Variants in EBF1 observed in about 807,000 individuals in gnomAD.
EBF1 encodes EBF transcription factor 1.
In EBF1, 10 loss-of-function variants were observed where a neutral mutation model predicts 68.4. The ratio of observed to expected loss-of-function variants is 0.15; its 90% CI spans 0.09 to 0.25. The LOEUF is 0.25. Among genes scored for constraint, EBF1 ranks in the 10% least tolerant of loss-of-function variants. The pLI is 1.00. For missense variants in EBF1, 509 were observed against 794.4 expected, an observed-to-expected ratio of 0.64 and a Z score of 4.32; for synonymous variants, 298 against 299.8, an observed-to-expected ratio of 0.99 and a Z score of 0.06.
chr5:159,020,427 G>T (rs921595355), intron 6 of EBF1, among the ~76,000 whole-genome samples: 6 of 152,120 alleles, frequency 3.9e-5, no homozygotes, highest in Admixed American at 3.3e-4. Flanking sequence ...AACCCAGCAG[G>T]CCTTTGCAGT....
At chr5:158,958,085 C>T (rs1218364978) in intron 6 of EBF1, among the ~76,000 whole-genome samples, 2 of 152,202 alleles carry the variant, frequency 1.3e-5, no homozygotes, top group African/African-American at 4.8e-5. Context: ...ATCCAAGCCT[C>T]TGTGTTTCCC....
At chr5:158,701,649 T>C (rs531363761) in intron 15 of EBF1, among the ~76,000 whole-genome samples, 1 of 152,350 alleles carries the variant, frequency 6.6e-6, no homozygotes, top group Non-Finnish European at 1.5e-5. Context: ...TCCCACCAAA[T>C]GCCACTGGGC....
intron 6 of EBF1, among the ~76,000 whole-genome samples, chr5:159,065,831 CAAGT>C (rs1447937804): frequency 6.6e-6 from 1 of 152,126 alleles, no homozygotes; most frequent in African/African-American, 2.4e-5. Context: ...AATAAAAGAA[CAAGT>C]GAGTGTACAG....
At chr5:158,878,147 T>C (rs748987324) in intron 6 of EBF1, among the ~76,000 whole-genome samples, 1 of 152,070 alleles carries the variant, frequency 6.6e-6, no homozygotes, top group Non-Finnish European at 1.5e-5. Flanking sequence ...GTATTTTCCC[T>C]AGTAATAAAT....
At chr5:158,992,639 G>T (rs1363967831) in intron 6 of EBF1, among the ~76,000 whole-genome samples, 2 of 152,108 alleles carry the variant, frequency 1.3e-5, no homozygotes, top group African/African-American at 4.8e-5. Context: ...CTTTTATGCT[G>T]ATGCTGAGAA....
intron 6 of EBF1, among the ~76,000 whole-genome samples, chr5:159,063,208 G>A (rs1324652198): frequency 3.3e-5 from 5 of 152,196 alleles, no homozygotes; most frequent in Middle Eastern, 3.4e-3. Flanking sequence ...CCTCCAAAGC[G>A]CTCATCTACC....
In EBF1 at chr5:158,696,257, T is replaced by C. The variant is rs1489680223; in HGVS notation, c.*2854A>G. Reference sequence around the variant, plus strand: ...TTTCTTCTTAAAGCCATATTCTGTATTTAGGGGAACATCTTTTATTTGTAA... The same window carrying C: ...TTTCTTCTTAAAGCCATATTCTGTACTTAGGGGAACATCTTTTATTTGTAA... On this transcript the variant is annotated 3_prime_UTR_variant, in exon 16 of 16. Transcript: ENST00000313708. 4.6e-6 allele frequency: 1 copy of C among 219,548 alleles called. No homozygotes were observed. The highest frequency in any genetic ancestry group is 6.7e-5 in the East Asian group (1 of 15,016). 13.6% of individuals were successfully genotyped at this position (219,548 alleles called of 1,614,324 possible).
intron 6 of EBF1, among the ~76,000 whole-genome samples, chr5:158,957,609 T>C (rs148706744): frequency 1.6e-4 from 24 of 152,362 alleles, no homozygotes; most frequent in Admixed American, 1.4e-3. Context: ...CAAAGCTCCT[T>C]GACCCAGGGT....
chr5:158,885,351 A>G (rs1411227492), intron 6 of EBF1, among the ~76,000 whole-genome samples: 3 of 152,240 alleles, frequency 2.0e-5, no homozygotes, highest in African/African-American at 7.2e-5. Context: ...AGAGTGGAAA[A>G]TAAAGAGGAC....
intron 5 of EBF1, among the ~76,000 whole-genome samples, chr5:159,081,831 T>C (rs776664209): frequency 1.3e-5 from 2 of 152,190 alleles, no homozygotes; most frequent in Non-Finnish European, 1.5e-5. Context: ...CTTTAGAAAA[T>C]CATGTGTGGG....
chr5:159,089,702 A>T (rs1377829056), intron 4 of EBF1, among the ~76,000 whole-genome samples: 1 of 152,112 alleles, frequency 6.6e-6, no homozygotes, highest in Non-Finnish European at 1.5e-5. Context: ...GAAACAAAAT[A>T]TTTTCATTAG....
intron 6 of EBF1, among the ~76,000 whole-genome samples, chr5:158,943,219 C>T (rs1051025318): frequency 3.3e-5 from 5 of 152,206 alleles, no homozygotes; most frequent in Admixed American, 2.6e-4. Context: ...GACACATAGG[C>T]TAGTCATCAT....
rs954784873 is a variant in EBF1 at position 159,084,548 on chromosome 5, A to G, written c.485+118T>C. ...TCTAACAGTTCTTTTTAGATTGTCTATAGAAGCAAGACAAATGTGTACCAA... is the reference window on the plus strand; with the variant it reads ...TCTAACAGTTCTTTTTAGATTGTCTGTAGAAGCAAGACAAATGTGTACCAA... On this transcript the variant is annotated intron_variant, in intron 5 of 15. Coordinates refer to ENST00000313708, the MANE Select transcript of EBF1 (RefSeq NM_024007.5). The G allele has an allele frequency of 1.9e-5, 16 of 821,302 alleles. No homozygotes were observed. In the African/African-American group the frequency reaches 2.3e-4, roughly 12 times the overall value. 50.9% of individuals were successfully genotyped at this position (821,302 alleles called of 1,614,324 possible). A position where few individuals can be genotyped will look rare whatever the true frequency, so the allele number is the denominator to read the frequency against.
At chr5:158,748,083 A>C (rs1333317721) in intron 10 of EBF1, among the ~76,000 whole-genome samples, 1 of 152,218 alleles carries the variant, frequency 6.6e-6, no homozygotes, top group Non-Finnish European at 1.5e-5. Context: ...TGCCTACAGT[A>C]AAAATATCTG....
At chr5:159,096,851 G>A (rs1782713008) in intron 2 of EBF1, 123 bp downstream of exon 2, 4 of 1,290,762 alleles carry the variant, frequency 3.1e-6, no homozygotes, top group Admixed American at 2.5e-5. Flanking sequence ...TGGCTTGGGG[G>A]ACCCCCACAT....
chr5:158,717,460 T>C (rs752102700), intron 11 of EBF1, among the ~76,000 whole-genome samples: 6 of 152,174 alleles, frequency 3.9e-5, no homozygotes, highest in Non-Finnish European at 7.4e-5. Context: ...AATTTTAATA[T>C]TTCTGAAAAG....
At chr5:159,096,505 C>T in intron 2 of EBF1, 99 bp from the exon 3 acceptor site, 8 of 1,405,818 alleles carry the variant, frequency 5.7e-6, no homozygotes, top group Non-Finnish European at 7.9e-6. Flanking sequence ...AAGCCGGGAC[C>T]CCCGCTGGCG....
chr5:159,083,297 G>A (rs902487237), intron 5 of EBF1, among the ~76,000 whole-genome samples: 1 of 152,208 alleles, frequency 6.6e-6, no homozygotes, highest in Admixed American at 6.5e-5. Context: ...ATTCTGAAAG[G>A]TGCAACTCAG....
At chr5:158,716,927 G>A (rs944159664) in intron 11 of EBF1, among the ~76,000 whole-genome samples, 1 of 152,178 alleles carries the variant, frequency 6.6e-6, no homozygotes, top group Non-Finnish European at 1.5e-5. Context: ...GCACCATAGT[G>A]TTAACCTCTC....
Sources: gnomAD v4.1 joint callset for allele counts (sites outside exome capture counted in the v4.1 genomes callset) on GRCh38, gnomAD v4.1.1 for gene constraint, MANE v1.5 for transcripts, NCBI Gene and HGNC (gene_info 2026-07-23, HGNC 2026-07-21) for gene names.